The following PTPRD variants were observed in gnomAD, a reference collection of about 807,000 sequenced individuals.
PTPRD encodes protein tyrosine phosphatase receptor type D.
A neutral mutation model predicts 214.5 loss-of-function variants in PTPRD; 34 were observed. The observed-to-expected ratio is 0.16, with a 90% CI of 0.12 to 0.21. The LOEUF is 0.21. Ranked by LOEUF, PTPRD falls within the 10% of genes least tolerant of loss-of-function variation. PTPRD has a pLI of 1.00. For missense variants in PTPRD, 2,545 were observed against 2,398.7 expected, an observed-to-expected ratio of 1.06 and a Z score of -1.27; for synonymous variants, 1,128 against 845.7, an observed-to-expected ratio of 1.33 and a Z score of -5.79.
intron 3 of PTPRD, among the ~76,000 whole-genome samples, chr9:10,124,999 A>G (rs754769164): frequency 3.2e-4 from 48 of 152,350 alleles, no homozygotes; most frequent in Admixed American, 9.1e-4. Context: ...AGCTCATGAC[A>G]GAAAAGTAAA....
chr9:8,918,539 C>T (rs1048232521), intron 11 of PTPRD, among the ~76,000 whole-genome samples: 4 of 151,958 alleles, frequency 2.6e-5, no homozygotes, highest in African/African-American at 4.8e-5. Context: ...TACTGAGCAG[C>T]ACTACGAGAG....
At chr9:10,609,109 G>A (rs1176663119) in intron 2 of PTPRD, among the ~76,000 whole-genome samples, 1 of 151,950 alleles carries the variant, frequency 6.6e-6, no homozygotes, top group African/African-American at 2.4e-5. Flanking sequence ...ATTCAGGATA[G>A]GTGTAAGCCC....
chr9:8,445,615 T>C (rs1254213166), intron 34 of PTPRD, among the ~76,000 whole-genome samples: 3 of 152,196 alleles, frequency 2.0e-5, no homozygotes, highest in Non-Finnish European at 4.4e-5. Flanking sequence ...CCTAACACTA[T>C]GCAGCATCCT....
intron 3 of PTPRD, among the ~76,000 whole-genome samples, chr9:10,141,240 T>G (rs201444428): frequency 0.016 from 2,406 of 151,778 alleles, 55 homozygotes; most frequent in African/African-American, 0.055. Flanking sequence ...AGTGTTGGAA[T>G]TTTTGGCCAG....
chr9:8,352,165 C>A lies in PTPRD; in HGVS notation c.4662-10187G>T, dbSNP rs114359338. On this transcript the variant is annotated intron_variant, in intron 39 of 45. Coordinates refer to ENST00000381196, the MANE Select transcript of PTPRD (RefSeq NM_002839.4). ...GATCTTGGCTTTGTCCCAATATTAT[C>A]TGCTGAACACACTCCCTATTATTCT... 6.2e-3 allele frequency among the ~76,000 whole-genome samples: 931 copies of A among 151,068 alleles called. 11 individuals are homozygous for A. The highest frequency in any genetic ancestry group is 0.022 in the African/African-American group (892 of 41,090).
intron 11 of PTPRD, among the ~76,000 whole-genome samples, chr9:9,006,010 T>A (rs6477365): frequency 0.069 from 10,444 of 152,042 alleles, 437 homozygotes; most frequent in Non-Finnish European, 0.089. Flanking sequence ...GATTTTTTTT[T>A]AAATTTTCTT....
intron 3 of PTPRD, among the ~76,000 whole-genome samples, chr9:10,236,412 C>T (rs2099629025): frequency 6.6e-6 from 1 of 151,926 alleles, no homozygotes. Flanking sequence ...GACAGGAATG[C>T]TTGGAAGATA....
intron 11 of PTPRD, among the ~76,000 whole-genome samples, chr9:8,886,698 CTG>C (rs1346094067): frequency 1.3e-5 from 2 of 152,310 alleles, no homozygotes; most frequent in East Asian, 1.9e-4. Flanking sequence ...TACCCCTTGA[CTG>C]TTGTGTGAAG....
rs140595159 is a variant in PTPRD at position 9,197,216 on chromosome 9, C to A, written c.-202-13853G>T. On this transcript the variant is annotated intron_variant, in intron 9 of 45. Coordinates refer to ENST00000381196, the MANE Select transcript of PTPRD (RefSeq NM_002839.4). ...CAAAGCCACACTTCCTTACACTTTC[C>A]CCCAAAGCACTTCACACAAGCCCAA... 5.1e-3 allele frequency among the ~76,000 whole-genome samples: 776 copies of A among 152,192 alleles called. 6 individuals are homozygous for A. Among genetic ancestry groups the A allele is most frequent in the African/African-American group, 0.017 (709 of 41,530 alleles).
intron 11 of PTPRD, among the ~76,000 whole-genome samples, chr9:8,971,336 A>T (rs73640977): frequency 0.067 from 10,210 of 151,664 alleles, 831 homozygotes; most frequent in African/African-American, 0.19. Flanking sequence ...ATGAGAAATT[A>T]AAAAAAACCC....
At chr9:10,040,117 G>A (rs923182714) in intron 3 of PTPRD, among the ~76,000 whole-genome samples, 1 of 151,990 alleles carries the variant, frequency 6.6e-6, no homozygotes, top group Admixed American at 6.6e-5. Flanking sequence ...TGTTTGGTAG[G>A]TAATACTCTA....
chr9:9,855,952 T>C (rs548265016), intron 5 of PTPRD, among the ~76,000 whole-genome samples: 1 of 152,284 alleles, frequency 6.6e-6, no homozygotes, highest in South Asian at 2.1e-4. Flanking sequence ...GACAGCATCC[T>C]GTATCCTCAC....
intron 8 of PTPRD, among the ~76,000 whole-genome samples, chr9:9,430,827 T>A (rs2082801319): frequency 6.6e-6 from 1 of 152,144 alleles, no homozygotes; most frequent in African/African-American, 2.4e-5. Flanking sequence ...TAATAAATGG[T>A]TCTGGGAAAA....
intron 3 of PTPRD, among the ~76,000 whole-genome samples, chr9:10,304,010 C>T (rs966831802): frequency 6.6e-6 from 1 of 152,090 alleles, no homozygotes; most frequent in Admixed American, 6.5e-5. Context: ...TGCAAAAATC[C>T]TTAATAAAAT....
At chr9:9,001,397 C>T (rs1444171091) in intron 11 of PTPRD, among the ~76,000 whole-genome samples, 1 of 151,984 alleles carries the variant, frequency 6.6e-6, no homozygotes, top group Non-Finnish European at 1.5e-5. Context: ...GTTTACATAA[C>T]TAGTAGGTTA....
chr9:9,509,312 A>C (rs1224786247), intron 8 of PTPRD, among the ~76,000 whole-genome samples: 1 of 151,492 alleles, frequency 6.6e-6, no homozygotes, highest in Non-Finnish European at 1.5e-5. Flanking sequence ...TTTTGAATAA[A>C]TATAAATATA....
chr9:8,542,415 G>C (rs2078709367), intron 14 of PTPRD, among the ~76,000 whole-genome samples: 1 of 152,174 alleles, frequency 6.6e-6, no homozygotes. Context: ...GAGATAGGGA[G>C]AAGTGGAAAA....
At position 10,532,090 on chromosome 9, in the gene PTPRD, G is replaced by A. The variant is rs569520015; in HGVS notation, c.-600+80308C>T. 2.0e-5 allele frequency: 3 copies of A among 152,154 alleles called. No homozygotes were observed. The East Asian group carries it at 5.8e-4, about 29-fold the overall frequency. The allele number at this position is 152,154 out of a possible 1,614,324, so 9.4% of individuals were successfully genotyped here. ...AAACAAGCATTAATTTAAATTAATG[G>A]ACTTTTAAGCTGATATTTGTTGCAG... On this transcript the variant is annotated intron_variant, in intron 2 of 45. Transcript: ENST00000381196.
chr9:8,839,164 A>G (rs2097504364), intron 11 of PTPRD, among the ~76,000 whole-genome samples: 1 of 152,190 alleles, frequency 6.6e-6, no homozygotes, highest in Non-Finnish European at 1.5e-5. Context: ...AACAGAAATA[A>G]TTACTTCAAG....
Sources: gnomAD v4.1 joint callset for allele counts (sites outside exome capture counted in the v4.1 genomes callset) on GRCh38, gnomAD v4.1.1 for gene constraint, MANE v1.5 for transcripts, NCBI Gene and HGNC (gene_info 2026-07-23, HGNC 2026-07-21) for gene names.